PCDH15: variants seen among roughly 807,000 people sequenced by gnomAD.
PCDH15 encodes protocadherin related 15.
PCDH15 carries 129 observed loss-of-function variants against 178.5 expected under a neutral mutation model. The ratio of observed to expected loss-of-function variants is 0.72; its 90% confidence interval spans 0.63 to 0.84. The LOEUF (loss-of-function observed/expected upper bound fraction) is 0.84. PCDH15 is among the 40% of genes least tolerant of loss of function. PCDH15 has a pLI of 0.00. For synonymous variants in PCDH15, 800 were observed against 732.0 expected (o/e 1.09, Z -1.50); for missense variants, 2,230 against 2,099.9 (o/e 1.06, Z -1.21).
At chr10:54,474,515 C>T (rs1052918378) in intron 3 of PCDH15, among the ~76,000 whole-genome samples, 21 of 151,864 alleles carry the variant, frequency 1.4e-4, no homozygotes, top group Non-Finnish European at 5.9e-5. Flanking sequence ...TAAATGTAAT[C>T]AACTAAGGTA....
intron 2 of PCDH15, among the ~76,000 whole-genome samples, chr10:55,128,496 CA>C (rs1302611437): frequency 6.6e-6 from 1 of 151,962 alleles, no homozygotes; most frequent in African/African-American, 2.4e-5. Flanking sequence ...AGAATAAAAT[CA>C]TCTACCATTT....
chr10:55,563,963 C>G (rs543445988), intron 2 of PCDH15, among the ~76,000 whole-genome samples: 3 of 151,854 alleles, frequency 2.0e-5, no homozygotes, highest in African/African-American at 7.2e-5. Flanking sequence ...GATAGTAACT[C>G]AAAGCTATAT....
chr10:55,278,761 T>C (rs1363583815), intron 1 of PCDH15, among the ~76,000 whole-genome samples: 2 of 152,328 alleles, frequency 1.3e-5, no homozygotes, highest in Admixed American at 1.3e-4. Context: ...AAAAATACCA[T>C]TGAATCAGAG....
intron 14 of PCDH15, among the ~76,000 whole-genome samples, chr10:54,150,308 G>C (rs189199459): frequency 6.6e-6 from 1 of 152,034 alleles, no homozygotes. Context: ...TCCACCAACC[G>C]TATCTCTGTG....
At chr10:53,847,842 A>G (rs1181107813) in intron 28 of PCDH15, among the ~76,000 whole-genome samples, 1 of 151,846 alleles carries the variant, frequency 6.6e-6, no homozygotes, top group Non-Finnish European at 1.5e-5. Flanking sequence ...TTTTTAATGT[A>G]TTTTACCTTT....
At chr10:54,360,871 T>C (rs991097123) in intron 5 of PCDH15, among the ~76,000 whole-genome samples, 1 of 152,048 alleles carries the variant, frequency 6.6e-6, no homozygotes, top group East Asian at 1.9e-4. Flanking sequence ...AAATTTATCA[T>C]AGGGAAAGTG....
chr10:53,969,657 C>T (rs1418161594), intron 21 of PCDH15, among the ~76,000 whole-genome samples: 2 of 152,162 alleles, frequency 1.3e-5, no homozygotes, highest in Non-Finnish European at 2.9e-5. Flanking sequence ...AAAAGTGGAT[C>T]TCTAAGCAAA....
chr10:53,992,261 C>T (rs916888816), intron 21 of PCDH15, among the ~76,000 whole-genome samples: 11 of 152,168 alleles, frequency 7.2e-5, no homozygotes, highest in Non-Finnish European at 1.6e-4. Flanking sequence ...AAACTCCAAA[C>T]ACGTCTGAAC....
intron 26 of PCDH15, among the ~76,000 whole-genome samples, chr10:53,888,490 T>C (rs1164938146): frequency 7.1e-6 from 1 of 141,112 alleles, no homozygotes; most frequent in African/African-American, 2.6e-5. Flanking sequence ...ATAGATAATA[T>C]CAAACTTTTT....
chr10:54,273,362 G>T (rs898749946), intron 8 of PCDH15, among the ~76,000 whole-genome samples: 1 of 132,950 alleles, frequency 7.5e-6, no homozygotes, highest in African/African-American at 2.6e-5. Flanking sequence ...GAGAAAAAAG[G>T]AAGTAGTACA....
chr10:54,174,815 C>A (rs1469574389), intron 13 of PCDH15, among the ~76,000 whole-genome samples: 2 of 149,052 alleles, frequency 1.3e-5, no homozygotes, highest in Admixed American at 1.4e-4. Context: ...GCTTCAGCCT[C>A]CTGAGGTGTT....
chr10:54,232,186 C>T (rs192769192), intron 9 of PCDH15, among the ~76,000 whole-genome samples: 5 of 152,202 alleles, frequency 3.3e-5, no homozygotes, highest in African/African-American at 1.2e-4. Flanking sequence ...GGAAATTTCC[C>T]CCTTGCTGTT....
chr10:54,066,177 C>T (rs183143386), intron 18 of PCDH15, among the ~76,000 whole-genome samples: 163 of 152,240 alleles, frequency 1.1e-3, no homozygotes, highest in Non-Finnish European at 1.7e-3. Flanking sequence ...CCAAGAATGG[C>T]CCAAATGAGG....
intron 15 of PCDH15, among the ~76,000 whole-genome samples, chr10:54,106,627 A>C (rs1794525545): frequency 6.6e-6 from 1 of 152,242 alleles, no homozygotes. Context: ...CATAAAAAAC[A>C]GACTTGCTTC....
At chr10:54,417,173 A>G (rs539589470) in intron 3 of PCDH15, among the ~76,000 whole-genome samples, 18 of 152,234 alleles carry the variant, frequency 1.2e-4, no homozygotes, top group South Asian at 4.1e-4. Flanking sequence ...TACAGATGTG[A>G]GCTACCTCAT....
intron 3 of PCDH15, among the ~76,000 whole-genome samples, chr10:54,407,094 A>G (rs1952782010): frequency 1.3e-5 from 2 of 152,182 alleles, no homozygotes; most frequent in African/African-American, 4.8e-5. Flanking sequence ...AGGAATGTGC[A>G]TGAATAAGTA....
chr10:54,432,295 A>AC (rs397949747), intron 3 of PCDH15, among the ~76,000 whole-genome samples: 1 of 151,646 alleles, frequency 6.6e-6, no homozygotes. Flanking sequence ...AACAAAAAAA[A>AC]CCTGGAGAAA....
intron 1 of PCDH15, among the ~76,000 whole-genome samples, chr10:54,675,378 C>T (rs1328667578): frequency 1.3e-5 from 2 of 151,686 alleles, no homozygotes; most frequent in East Asian, 1.9e-4. Flanking sequence ...TATTTACTTC[C>T]CAACACACCC....
At chr10:54,084,021 G>A (rs866099276) in intron 16 of PCDH15, among the ~76,000 whole-genome samples, 13 of 152,030 alleles carry the variant, frequency 8.6e-5, no homozygotes, top group Non-Finnish European at 1.5e-4. Flanking sequence ...GTCAGGAGAT[G>A]GAGACCATCC....
Sources: gnomAD v4.1 joint callset for allele counts (sites outside exome capture counted in the v4.1 genomes callset) on GRCh38, gnomAD v4.1.1 for gene constraint, MANE v1.5 for transcripts, NCBI Gene and HGNC (gene_info 2026-07-23, HGNC 2026-07-21) for gene names.